ABCB8: variants seen among roughly 807,000 people sequenced by gnomAD.
ABCB8 encodes ATP binding cassette subfamily B member 8.
ABCB8 carries 52 observed loss-of-function variants against 73.0 expected under a neutral mutation model. That is an observed-to-expected ratio of 0.71 (90% confidence interval 0.57 to 0.90). ABCB8 has a LOEUF of 0.90. ABCB8 is among the 40% of genes least tolerant of loss of function. ABCB8 has a pLI of 0.00. For missense variants in ABCB8, 909 were observed against 974.6 expected, an observed-to-expected ratio of 0.93 and a Z score of 0.90; for synonymous variants, 428 against 423.5, an observed-to-expected ratio of 1.01 and a Z score of -0.13.
At position 151,041,224 on chromosome 7, in the gene ABCB8, A is replaced by C. The variant is rs1011079073; in HGVS notation, c.1609A>C (p.Ile537Leu). The C allele has an allele frequency of 6.2e-7, 1 of 1,600,870 alleles. No individual in the cohort carries two copies. The change falls in exon 13 of 16, where the codon ATC (isoleucine) becomes CTC (leucine). Residue 537 changes from isoleucine (I) to leucine (L), a missense_variant. Ile to Leu is a conservative substitution (Grantham distance 5). Coordinates refer to ENST00000358849, the MANE Select transcript of ABCB8 (RefSeq NM_007188.5). ...GCTCCGGGGCCAGGTTGTCGGCTTC[A>C]TCAGCCAGGTGCGGGGCCACATGGG... ...SWLRGQVVGF[I>L]SQEPVLFGTT...
At position 151,042,111 on chromosome 7, in the gene ABCB8, G is replaced by C; in HGVS notation, c.1765+3G>C. ...CGAGGGCTACAACACGGTCGTCGGT[G>C]GGTGCTCGGGTCTGCCGGGAACCAG... On this transcript the variant is annotated splice_donor_region_variant and intron_variant, in intron 14 of 15. Transcript: ENST00000358849. The C allele has an allele frequency of 6.2e-7, 1 of 1,612,570 alleles. No homozygotes were observed. The highest frequency in any genetic ancestry group is 1.3e-5 in the African/African-American group (1 of 75,024).
intron 1 of ABCB8, chr7:151,033,337 T>G (rs1248986020): frequency 3.4e-5 from 40 of 1,182,420 alleles, no homozygotes; most frequent in Non-Finnish European, 4.4e-5. Flanking sequence ...GGGCCCTGGC[T>G]GGCTGGGTGT....
Position 151,028,550 on chromosome 7 carries a change from G to T in ABCB8, c.35G>T (p.Gly12Val), listed in dbSNP as rs1796034344. 6.2e-7 allele frequency: 1 copy of T among 1,614,070 alleles called. No individual in the cohort carries two copies. Among genetic ancestry groups the T allele is most frequent in the Non-Finnish European group, 8.5e-7 (1 of 1,180,010 alleles). ...LVHLFRVGIR[G>V]GPFPGRLLPP... ...CATTTATTTCGGGTCGGGATTCGGG[G>T]TGGCCCATTCCCAGGCAGGCTGCTA... Residue 12 changes from glycine to valine, a missense_variant, in exon 1 of 16, where the codon GGT becomes GTT. By Grantham distance (109) the Gly-to-Val change is moderately radical. Transcript: ENST00000358849.
In ABCB8 at chr7:151,047,749, G is replaced by A. The variant is rs926282788; in HGVS notation, c.*2400G>A. ...ACACCCCCAGTGCCCATCAGTGGGG[G>A]AGTCATTAAATAAACTATGGTATGT... On this transcript the variant is annotated 3_prime_UTR_variant, in exon 16 of 16. Transcript: ENST00000358849. 9 of 152,240 alleles carry A rather than the reference G, an allele frequency of 5.9e-5. No individual in the cohort carries two copies. Among genetic ancestry groups the A allele is most frequent in the Non-Finnish European group, 1.0e-4 (7 of 68,048 alleles). The allele number at this position is 152,240 out of a possible 1,614,324, so 9.4% of individuals were successfully genotyped here. A position where few individuals can be genotyped will look rare whatever the true frequency, so the allele number is the denominator to read the frequency against.
Position 151,046,473 on chromosome 7 carries a change from C to T in ABCB8, c.*1124C>T, listed in dbSNP as rs1796616156. The T allele has an allele frequency of 6.6e-6, 1 of 152,258 alleles. No individual in the cohort carries two copies. Among genetic ancestry groups the T allele is most frequent in the South Asian group, 2.1e-4 (1 of 4,832 alleles). 9.4% of individuals were successfully genotyped at this position (152,258 alleles called of 1,614,324 possible). A position where few individuals can be genotyped will look rare whatever the true frequency, so the allele number is the denominator to read the frequency against. ...GCCTGGAAAGGCACACAAGTAGGTC[C>T]TTGGCTGAACTGGTGCCCCAGCAGG... On this transcript the variant is annotated 3_prime_UTR_variant, in exon 16 of 16. Coordinates refer to ENST00000358849, the MANE Select transcript of ABCB8 (RefSeq NM_007188.5).
chr7:151,028,551 T>A lies in ABCB8; in HGVS notation c.36T>A (p.Gly12=). 6.2e-7 allele frequency: 1 copy of A among 1,613,936 alleles called. No individual in the cohort carries two copies. Among genetic ancestry groups the A allele is most frequent in the Non-Finnish European group, 8.5e-7 (1 of 1,179,980 alleles). ...LVHLFRVGIR[G]GPFPGRLLPP... is the part of the protein sequence containing the mutation. ...ATTTATTTCGGGTCGGGATTCGGGG[T>A]GGCCCATTCCCAGGCAGGCTGCTAC... The change falls in exon 1 of 16, where the codon GGT becomes GGA. Residue 12 remains glycine (G), a synonymous_variant. Coordinates refer to ENST00000358849, the MANE Select transcript of ABCB8 (RefSeq NM_007188.5).
In ABCB8 at chr7:151,034,813, A is replaced by G; in HGVS notation, c.749A>G (p.Lys250Arg). 6.2e-7 allele frequency: 1 copy of G among 1,613,752 alleles called. No homozygotes were observed. Among genetic ancestry groups the G allele is most frequent in the South Asian group, 1.1e-5 (1 of 91,060 alleles). Residue 250 changes from lysine (K) to arginine (R), a missense_variant, in exon 5 of 16, where the codon AAG (lysine) becomes AGG (arginine). By Grantham distance (26) the Lys-to-Arg change is conservative. Coordinates refer to ENST00000358849, the MANE Select transcript of ABCB8 (RefSeq NM_007188.5). ...TDVQEFKSSFKLVISQGLRSC... is the reference protein window; with the variant it reads ...TDVQEFKSSFRLVISQGLRSC... ...GTGCAGGAGTTTAAGTCATCCTTCA[A>G]GCTTGTCATCTCCCAGGTCAGTGGC...
rs908871794 is a variant in ABCB8 at position 151,045,547 on chromosome 7, C to T, written c.*198C>T. ...CCCTCCCTCCCCTCCCCAGTCCTGC[C>T]GGCTGCCTCCCTCCCACCAGAGTCT... On this transcript the variant is annotated 3_prime_UTR_variant, in exon 16 of 16. Transcript: ENST00000358849. The T allele has an allele frequency of 2.3e-5, 14 of 600,286 alleles. No individual in the cohort carries two copies. The highest frequency in any genetic ancestry group is 1.7e-4 in the African/African-American group (9 of 51,482). 37.2% of individuals were successfully genotyped at this position (600,286 alleles called of 1,614,324 possible). A position where few individuals can be genotyped will look rare whatever the true frequency, so the allele number is the denominator to read the frequency against.
chr7:151,031,893 C>T lies in ABCB8; in HGVS notation c.96-1712C>T, dbSNP rs182511198. On this transcript the variant is annotated intron_variant, in intron 1 of 15. Transcript: ENST00000358849. ...CCTCCCAAAGTGTTGGGATTACAGG[C>T]GTGAGCCACTGCGCCCGGCCATGCT... Among the ~76,000 whole-genome samples, 14 of 152,306 alleles carry T rather than the reference C, an allele frequency of 9.2e-5. 1 individual carries two copies. Among genetic ancestry groups the T allele is most frequent in the Admixed American group, 4.6e-4 (7 of 15,308 alleles).
chr7:151,036,300 T>C, intron 8 of ABCB8, 130 bp downstream of exon 8: 1 of 1,024,868 alleles, frequency 9.8e-7, no homozygotes, highest in East Asian at 2.6e-5. Flanking sequence ...CTGCTAACTC[T>C]TGCAGGTAAA....
rs1796552920 is a variant in ABCB8, at chr7:151,044,197, CATGGCCG to C, written c.2000_2006del (p.Asp667ValfsTer12). ...TCCGTGGGGCCCACTGCATTGTCGT[CATGGCCG>C]ATGGCCGTGTCTGGGAGGTTAGTTG... On this transcript the variant is annotated frameshift_variant, in exon 15 of 16. Transcript: ENST00000358849. LOFTEE classifies it low-confidence loss of function (END_TRUNC). The C allele has an allele frequency of 1.2e-6, 2 of 1,601,860 alleles. No individual in the cohort carries two copies. The highest frequency in any genetic ancestry group is 1.7e-6 in the Non-Finnish European group (2 of 1,169,950).
At chr7:151,044,515 G>T (rs984888380) in intron 15 of ABCB8, among the ~76,000 whole-genome samples, 1 of 152,144 alleles carries the variant, frequency 6.6e-6, no homozygotes, top group African/African-American at 2.4e-5. Flanking sequence ...ACTTTGGGAA[G>T]CCAAGGCAGA....
intron 8 of ABCB8, 107 bp from the exon 9 acceptor site, chr7:151,036,437 A>C: frequency 9.3e-7 from 1 of 1,077,236 alleles, no homozygotes; most frequent in Non-Finnish European, 1.4e-6. Flanking sequence ...CAACGCTGGG[A>C]CCAGTCATGC....
chr7:151,042,923 CTT>C (rs2117239496), intron 14 of ABCB8, among the ~76,000 whole-genome samples: 1 of 152,366 alleles, frequency 6.6e-6, no homozygotes, highest in Non-Finnish European at 1.5e-5. Flanking sequence ...TCCCACATCT[CTT>C]TTGGGTGGCA....
Position 151,036,111 on chromosome 7 carries a change from C to G in ABCB8, c.1052C>G (p.Ala351Gly). 6.2e-7 allele frequency: 1 copy of G among 1,613,560 alleles called. No individual in the cohort carries two copies. Among genetic ancestry groups the G allele is most frequent in the South Asian group, 1.1e-5 (1 of 91,080 alleles). ...GAELEACRCR[A>G]EELGRGIALF... The stretch of plus-strand genomic sequence containing the variant: ...GAGCTGGAAGCCTGCCGCTGCCGGG[C>G]AGAGGAGCTGGGCCGCGGCATCGCC... The change falls in exon 8 of 16, where the codon GCA (alanine) becomes GGA (glycine). Residue 351 changes from alanine to glycine, a missense_variant. Transcript: ENST00000358849.
At chr7:151,040,229 G>T (rs753900722) in intron 9 of ABCB8, 39 bp from the exon 10 acceptor site, 118 of 1,605,156 alleles carry the variant, frequency 7.4e-5, no homozygotes, top group Non-Finnish European at 5.9e-6. Flanking sequence ...GGCTCTTCTT[G>T]TTCCCATCTA....
At chr7:151,036,789 C>A in intron 9 of ABCB8, 140 bp downstream of exon 9, 1 of 810,932 alleles carries the variant, frequency 1.2e-6, no homozygotes, top group Non-Finnish European at 2.1e-6. Flanking sequence ...CCCAGGGATG[C>A]ATAGGGTGGG....
intron 15 of ABCB8, 141 bp downstream of exon 15, chr7:151,044,362 TAG>T: frequency 7.2e-7 from 1 of 1,381,670 alleles, no homozygotes; most frequent in Non-Finnish European, 9.8e-7. Flanking sequence ...GCGTCCCATA[TAG>T]AGTCAGGAGT....
At chr7:151,028,801 G>A (rs1478290398) in intron 1 of ABCB8, 191 bp downstream of exon 1, 2 of 1,551,464 alleles carry the variant, frequency 1.3e-6, no homozygotes, top group Non-Finnish European at 1.7e-6. Flanking sequence ...TCGCCAGCAG[G>A]AGGCTCCTGC....
Sources: allele counts gnomAD v4.1 joint callset (sites outside exome capture counted in the v4.1 genomes callset), GRCh38; gene constraint gnomAD v4.1.1; transcripts MANE v1.5; gene names NCBI Gene and HGNC (gene_info 2026-07-23, HGNC 2026-07-21).